LRRC28: variants seen among roughly 807,000 people sequenced by gnomAD.
The protein encoded by LRRC28 is leucine-rich repeat-containing protein 28.
In LRRC28, 39 loss-of-function variants were observed where a neutral mutation model predicts 45.7. The ratio of observed to expected loss-of-function variants is 0.85; its 90% CI spans 0.66 to 1.12. The LOEUF (loss-of-function observed/expected upper bound fraction) is 1.12, where lower values mean the gene tolerates loss of function less well. Among genes scored for constraint, LRRC28 ranks in the 50% most tolerant of loss-of-function variants. The probability of loss-of-function intolerance (pLI) is 0.00; values close to 1 mark genes in which losing one functional copy is unlikely to be tolerated. For synonymous variants in LRRC28, 206 were observed against 178.8 expected (o/e 1.15, Z -1.22); for missense variants, 435 against 438.5 (o/e 0.99, Z 0.07).
At chr15:99,262,081 AT>A (rs574531895) in intron 2 of LRRC28, among the ~76,000 whole-genome samples, 155 of 152,228 alleles carry the variant, frequency 1.0e-3, no homozygotes, top group African/African-American at 3.6e-3. Context: ...AATTACATAT[AT>A]TTTTTATTTA....
At position 99,386,090 on chromosome 15, in the gene LRRC28, C is replaced by T. The variant is rs137926589; in HGVS notation, c.1092C>T (p.Asp364=). 1.2e-4 allele frequency: 200 copies of T among 1,613,848 alleles called. No homozygotes were observed. Among genetic ancestry groups the T allele is most frequent in the Non-Finnish European group, 1.6e-4 (189 of 1,179,864 alleles). The change falls in exon 10 of 10, where the codon GAC becomes GAT. Residue 364 remains aspartate (D), a synonymous_variant. Transcript: ENST00000301981. ...CCACCCAGTGTCTGCAGACTTTTGA[C>T]CTGCTGAGTTGATAAACACTCAAGA... ...CCSTQCLQTF[D]LLS
intron 7 of LRRC28, among the ~76,000 whole-genome samples, chr15:99,360,070 G>C (rs1567696267): frequency 6.7e-6 from 1 of 150,134 alleles, no homozygotes; most frequent in African/African-American, 2.4e-5. Context: ...ACAAAACAAA[G>C]AAAAAAAAAC....
At chr15:99,260,269 A>T (rs1379640638) in intron 2 of LRRC28, among the ~76,000 whole-genome samples, 1 of 152,220 alleles carries the variant, frequency 6.6e-6, no homozygotes, top group African/African-American at 2.4e-5. Context: ...TATAAAAATA[A>T]AAAAGATTTC....
chr15:99,292,489 C>G (rs532895813), intron 5 of LRRC28, among the ~76,000 whole-genome samples: 100 of 151,514 alleles, frequency 6.6e-4, no homozygotes, highest in African/African-American at 2.3e-3. Context: ...CTCAGCCTCC[C>G]GAGTAGCTGG....
intron 9 of LRRC28, among the ~76,000 whole-genome samples, chr15:99,363,780 C>T (rs901513305): frequency 3.3e-5 from 5 of 152,170 alleles, no homozygotes; most frequent in South Asian, 2.1e-4. Context: ...CTTGAATTTG[C>T]GAAGAATGTT....
chr15:99,279,272 T>TA (rs1207661070), intron 3 of LRRC28, among the ~76,000 whole-genome samples: 1 of 152,242 alleles, frequency 6.6e-6, no homozygotes, highest in Non-Finnish European at 1.5e-5. Flanking sequence ...GTTGAATAGA[T>TA]ACATGACTTT....
chr15:99,252,099 C>T (rs2080827863), intron 1 of LRRC28: 1 of 151,982 alleles, frequency 6.6e-6, no homozygotes, highest in African/African-American at 2.4e-5. Flanking sequence ...TGGTGTTCAC[C>T]TGTCAGAAAG....
intron 5 of LRRC28, among the ~76,000 whole-genome samples, chr15:99,321,313 T>A (rs1200481088): frequency 1.3e-5 from 2 of 152,176 alleles, no homozygotes. Flanking sequence ...TGCTGAAAAT[T>A]TAGTTATGTT....
intron 5 of LRRC28, among the ~76,000 whole-genome samples, chr15:99,290,509 T>A (rs181176024): frequency 1.3e-5 from 2 of 152,180 alleles, no homozygotes; most frequent in African/African-American, 4.8e-5. Flanking sequence ...TTTTGAAGAT[T>A]GCCTAGAAAA....
At position 99,287,968 on chromosome 15, in the gene LRRC28, G is replaced by C; in HGVS notation, c.385+17G>C. 1 of 1,601,406 alleles carries C rather than the reference G, an allele frequency of 6.2e-7. No homozygotes were observed. Among genetic ancestry groups the C allele is most frequent in the Non-Finnish European group, 8.5e-7 (1 of 1,173,656 alleles). ...TACCTCCAGGTAATCATAGTCTCTA[G>C]CACACTATAGTTTCTTGTCTATTAT... On this transcript the variant is annotated intron_variant, in intron 5 of 9. Transcript: ENST00000301981.
chr15:99,315,274 A>G (rs1329225482), intron 5 of LRRC28, among the ~76,000 whole-genome samples: 1 of 151,076 alleles, frequency 6.6e-6, no homozygotes, highest in Non-Finnish European at 1.5e-5. Flanking sequence ...CAGGAAAGTA[A>G]ATTCATTTTA....
At chr15:99,253,954 A>T (rs879824126) in intron 1 of LRRC28, among the ~76,000 whole-genome samples, 10 of 152,210 alleles carry the variant, frequency 6.6e-5, no homozygotes, top group Non-Finnish European at 1.3e-4. Flanking sequence ...CACTGGGTGG[A>T]TGGAGGGGTG....
At chr15:99,326,849 G>C (rs965090682) in intron 5 of LRRC28, among the ~76,000 whole-genome samples, 1 of 152,148 alleles carries the variant, frequency 6.6e-6, no homozygotes, top group Non-Finnish European at 1.5e-5. Flanking sequence ...TTGGTCTGTA[G>C]ATTTCTTATG....
rs560119449 is a variant in LRRC28, at chr15:99,360,101, G to T, written c.696-1235G>T. Among the ~76,000 whole-genome samples the T allele has an allele frequency of 2.0e-5, 3 of 152,004 alleles. No individual in the cohort carries two copies. The South Asian group carries it at 6.2e-4, about 32-fold the overall frequency. ...AAAACCACACCTAACAGTCTTCCCCGTGAATTAAAACCATCTAACTTCAGC... is the reference window on the plus strand; with the variant it reads ...AAAACCACACCTAACAGTCTTCCCCTTGAATTAAAACCATCTAACTTCAGC... On this transcript the variant is annotated intron_variant, in intron 7 of 9. Coordinates refer to ENST00000301981, the MANE Select transcript of LRRC28 (RefSeq NM_144598.5).
chr15:99,297,815 A>G (rs12913897), intron 5 of LRRC28, among the ~76,000 whole-genome samples: 55,957 of 151,638 alleles, frequency 0.37, 11,281 homozygotes, highest in African/African-American at 0.54. Context: ...TGAAGCTAAG[A>G]CTTTTCAATT....
chr15:99,364,422 A>G (rs181071357), intron 9 of LRRC28, among the ~76,000 whole-genome samples: 158 of 152,184 alleles, frequency 1.0e-3, no homozygotes, highest in African/African-American at 3.7e-3. Flanking sequence ...TCCTATTTCA[A>G]TCTTCTGTAT....
At chr15:99,305,643 C>T (rs575399624) in intron 5 of LRRC28, among the ~76,000 whole-genome samples, 2 of 152,228 alleles carry the variant, frequency 1.3e-5, no homozygotes, top group South Asian at 4.2e-4. Flanking sequence ...TTAATAGCTA[C>T]TATCTTTTTT....
intron 5 of LRRC28, among the ~76,000 whole-genome samples, chr15:99,315,877 C>T (rs1233948282): frequency 6.6e-6 from 1 of 152,138 alleles, no homozygotes; most frequent in South Asian, 2.1e-4. Flanking sequence ...CCAGCTAGGG[C>T]AGCAGAGCAA....
chr15:99,378,334 G>A (rs1221195615), intron 9 of LRRC28, among the ~76,000 whole-genome samples: 1 of 151,938 alleles, frequency 6.6e-6, no homozygotes, highest in African/African-American at 2.4e-5. Flanking sequence ...TCATGATTTG[G>A]CTTTCTGTCT....
Sources: allele counts gnomAD v4.1 joint callset (sites outside exome capture counted in the v4.1 genomes callset), GRCh38; gene constraint gnomAD v4.1.1; transcripts MANE v1.5; gene names NCBI Gene and HGNC (gene_info 2026-07-23, HGNC 2026-07-21).